Variants in TINAG observed in about 807,000 individuals in gnomAD.
The protein encoded by TINAG is tubulointerstitial nephritis antigen.
A neutral mutation model predicts 72.7 loss-of-function variants in TINAG; 83 were observed. The ratio of observed to expected loss-of-function variants is 1.14; its 90% CI spans 0.96 to 1.37. The LOEUF (loss-of-function observed/expected upper bound fraction) is 1.37, where lower values mean the gene tolerates loss of function less well. TINAG is among the 40% of genes most tolerant of loss of function. The pLI is 0.00. For missense variants in TINAG, 685 were observed against 576.6 expected (o/e 1.19, Z -1.93); for synonymous variants, 234 against 189.9 (o/e 1.23, Z -1.91).
In TINAG at chr6:54,351,384, T is replaced by A. The variant is rs762514418; in HGVS notation, c.1113T>A (p.Asn371Lys). 1 of 1,610,410 alleles carries A rather than the reference T, an allele frequency of 6.2e-7. No individual in the cohort carries two copies. The highest frequency in any genetic ancestry group is 1.1e-5 in the South Asian group (1 of 90,962). Residue 371 changes from asparagine (N) to lysine (K), a missense_variant, in exon 8 of 11, where the codon AAT becomes AAA. Asn to Lys is a moderately conservative substitution (Grantham distance 94). Coordinates refer to ENST00000259782, the MANE Select transcript of TINAG (RefSeq NM_014464.4). ...ETEIMKEIMQ[N>K]GPVQAIMQVR... ...AGATAATGAAAGAAATCATGCAAAA[T>A]GGACCAGTTCAAGGTAAGCTTGAAT... is the stretch of plus-strand genomic sequence containing the variant.
In TINAG at chr6:54,339,856, G is replaced by T. The variant is rs182464701; in HGVS notation, c.625-3370G>T. Among the ~76,000 whole-genome samples the T allele has an allele frequency of 1.5e-3, 234 of 152,128 alleles. 2 individuals carry two copies. The highest frequency in any genetic ancestry group is 1.5e-3 in the Non-Finnish European group (102 of 67,998). On this transcript the variant is annotated intron_variant, in intron 4 of 10. Coordinates refer to ENST00000259782, the MANE Select transcript of TINAG (RefSeq NM_014464.4). ...TCTCTGTTGCTTCATTTGGTTCTCA[G>T]GTCACTATAAGCATCCAAGCTTAAA... is the stretch of plus-strand genomic sequence containing the variant.
intron 4 of TINAG, among the ~76,000 whole-genome samples, chr6:54,335,941 C>A (rs1020828641): frequency 6.6e-6 from 1 of 152,076 alleles, no homozygotes; most frequent in Non-Finnish European, 1.5e-5. Flanking sequence ...ATCTCCTTGG[C>A]CATATTGCTT....
At chr6:54,325,529 TACAGAC>T (rs1784584160) in intron 3 of TINAG, among the ~76,000 whole-genome samples, 1 of 152,134 alleles carries the variant, frequency 6.6e-6, no homozygotes, top group Non-Finnish European at 1.5e-5. Flanking sequence ...AACACACACA[TACAGAC>T]ACAGAGAGTT....
chr6:54,344,531 A>T (rs753192666), intron 5 of TINAG, among the ~76,000 whole-genome samples: 2 of 152,200 alleles, frequency 1.3e-5, no homozygotes, highest in Admixed American at 6.6e-5. Context: ...TTAATATAAT[A>T]AACCGTTTGC....
intron 9 of TINAG, among the ~76,000 whole-genome samples, chr6:54,372,900 A>G (rs1763675075): frequency 6.6e-6 from 1 of 151,940 alleles, no homozygotes; most frequent in Non-Finnish European, 1.5e-5. Context: ...ATTACTGATT[A>G]CTTCAATAAG....
At chr6:54,369,174 C>A (rs981460090) in intron 9 of TINAG, among the ~76,000 whole-genome samples, 2 of 151,822 alleles carry the variant, frequency 1.3e-5, no homozygotes, top group African/African-American at 4.8e-5. Flanking sequence ...GAAAATAAGT[C>A]ACTTATGCTT....
rs751113358 is a variant in TINAG, at chr6:54,389,811, A to G, written c.1317A>G (p.Gly439=). The change falls in exon 11 of 11, where the codon GGA becomes GGG. Residue 439 remains glycine, a synonymous_variant. Transcript: ENST00000259782. ...EKFWIAANSW[G]KSWGENGYFR... is the part of the protein sequence containing the mutation. ...TGCAGATTGCTGCCAATTCCTGGGG[A>G]AAGTCATGGGGAGAGAATGGCTATT... 5 of 1,589,190 alleles carry G rather than the reference A, an allele frequency of 3.1e-6. No individual in the cohort carries two copies. Among genetic ancestry groups the G allele is most frequent in the Non-Finnish European group, 4.3e-6 (5 of 1,170,994 alleles).
At chr6:54,328,274 C>T (rs138907614) in intron 4 of TINAG, among the ~76,000 whole-genome samples, 1 of 152,046 alleles carries the variant, frequency 6.6e-6, no homozygotes, top group Admixed American at 6.6e-5. Flanking sequence ...GAGGAAGGAG[C>T]AGGCAGCAAT....
In TINAG at chr6:54,385,110, A is replaced by G. The variant is rs562646806; in HGVS notation, c.1296+4539A>G. ...TTAAAAGGTTGAAAAGAATAATTCAATAAGCTGAAAAATTTAAACCGAAGA... is the reference window on the plus strand; with the variant it reads ...TTAAAAGGTTGAAAAGAATAATTCAGTAAGCTGAAAAATTTAAACCGAAGA... On this transcript the variant is annotated intron_variant, in intron 10 of 10. Transcript: ENST00000259782. 2.0e-5 allele frequency among the ~76,000 whole-genome samples: 3 copies of G among 152,284 alleles called. No homozygotes were observed. In the South Asian group the frequency reaches 6.2e-4, roughly 32 times the overall value.
intron 4 of TINAG, among the ~76,000 whole-genome samples, chr6:54,336,096 A>G (rs1282547967): frequency 1.3e-5 from 2 of 152,046 alleles, no homozygotes; most frequent in East Asian, 3.9e-4. Context: ...TTCCCGTAAC[A>G]TGTCTACTGG....
chr6:54,363,066 T>A (rs1460696914), intron 9 of TINAG, among the ~76,000 whole-genome samples: 1 of 151,574 alleles, frequency 6.6e-6, no homozygotes, highest in Non-Finnish European at 1.5e-5. Flanking sequence ...CTGGGATTTA[T>A]GGGTTGTATA....
At chr6:54,369,115 T>C (rs1377682357) in intron 9 of TINAG, among the ~76,000 whole-genome samples, 1 of 151,932 alleles carries the variant, frequency 6.6e-6, no homozygotes, top group Non-Finnish European at 1.5e-5. Flanking sequence ...TATTTCAATA[T>C]GTAATGTTTG....
At chr6:54,354,766 C>A in intron 9 of TINAG, 130 bp downstream of exon 9, 1 of 1,040,950 alleles carries the variant, frequency 9.6e-7, no homozygotes, top group Non-Finnish European at 1.4e-6. Context: ...ATGATCTAAA[C>A]CTTGCCACTA....
rs1340341463 is a variant in TINAG, at chr6:54,389,817, AT to A, written c.1324del (p.Trp442GlyfsTer13). 1 of 1,604,724 alleles carries A rather than the reference AT, an allele frequency of 6.2e-7. No individual in the cohort carries two copies. Among genetic ancestry groups the A allele is most frequent in the Non-Finnish European group, 8.5e-7 (1 of 1,176,942 alleles). ...TTGCTGCCAATTCCTGGGGAAAGTC[AT>A]GGGGAGAGAATGGCTATTTCAGGAT... is the stretch of plus-strand genomic sequence containing the variant. The part of the protein sequence containing the change: ...WIAANSWGKS[W>X]GENGYFRILR... On this transcript the variant is annotated frameshift_variant, in exon 11 of 11. Coordinates refer to ENST00000259782, the MANE Select transcript of TINAG (RefSeq NM_014464.4). LOFTEE classifies it high-confidence loss of function.
In TINAG at chr6:54,343,229, T is replaced by A; in HGVS notation, c.628T>A (p.Ser210Thr). ...MLLSMNEMTA[S>T]LPATTDLPEF... is the part of the protein sequence containing the mutation. ...TGTACCTCTTCTTCCTCTTTAGGCT[T>A]CTTTACCTGCAACAACTGATCTTCC... Residue 210 changes from serine to threonine, a missense_variant, in exon 5 of 11, where the codon TCT becomes ACT. Physicochemically the swap from Ser to Thr is moderately conservative, Grantham distance 58. Coordinates refer to ENST00000259782, the MANE Select transcript of TINAG (RefSeq NM_014464.4). The A allele has an allele frequency of 1.3e-6, 2 of 1,558,880 alleles. No homozygotes were observed. The highest frequency in any genetic ancestry group is 1.7e-6 in the Non-Finnish European group (2 of 1,149,856).
At chr6:54,357,479 A>G (rs1391789453) in intron 9 of TINAG, among the ~76,000 whole-genome samples, 1 of 152,040 alleles carries the variant, frequency 6.6e-6, no homozygotes, top group East Asian at 1.9e-4. Flanking sequence ...AATGCTTCAA[A>G]TTCAACACTT....
In TINAG at chr6:54,325,739, C is replaced by T. The variant is rs150055929; in HGVS notation, c.510-1063C>T. 1.1e-4 allele frequency among the ~76,000 whole-genome samples: 17 copies of T among 152,218 alleles called. No homozygotes were observed. In the East Asian group the frequency reaches 3.3e-3, roughly 29 times the overall value. On this transcript the variant is annotated intron_variant, in intron 3 of 10. Transcript: ENST00000259782. ...CATACTTACTGATGTCACAGTTTTGCCCAATTTTGCCCAGTTAGCCTTTTG... is the reference window on the plus strand; with the variant it reads ...CATACTTACTGATGTCACAGTTTTGTCCAATTTTGCCCAGTTAGCCTTTTG...
intron 4 of TINAG, among the ~76,000 whole-genome samples, chr6:54,336,798 T>C (rs1166390459): frequency 1.3e-5 from 2 of 152,130 alleles, no homozygotes; most frequent in Non-Finnish European, 2.9e-5. Context: ...AAGGCTAGTA[T>C]GGCATTTAAA....
intron 9 of TINAG, among the ~76,000 whole-genome samples, chr6:54,356,030 C>T (rs1389312769): frequency 6.6e-6 from 1 of 151,808 alleles, no homozygotes; most frequent in Admixed American, 6.6e-5. Context: ...GAAAGAAACA[C>T]TTTTCCATTT....
Sources: gnomAD v4.1 joint callset for allele counts (sites outside exome capture counted in the v4.1 genomes callset) on GRCh38, gnomAD v4.1.1 for gene constraint, MANE v1.5 for transcripts, NCBI Gene and HGNC (gene_info 2026-07-23, HGNC 2026-07-21) for gene names.